The following MROH9 variants were observed in gnomAD, a reference collection of about 807,000 sequenced individuals.
MROH9 encodes maestro heat-like repeat-containing protein family member 9.
MROH9 carries 92 observed loss-of-function variants against 98.2 expected under a neutral mutation model. That is an observed-to-expected ratio of 0.94 (90% CI 0.79 to 1.11). The LOEUF (loss-of-function observed/expected upper bound fraction) is 1.11. Ranked by LOEUF, MROH9 falls within the 50% of genes most tolerant of loss-of-function variation. The pLI, the probability that MROH9 is intolerant of heterozygous loss-of-function variation, is 0.00. For missense variants in MROH9, 1,057 were observed against 1,014.8 expected (o/e 1.04, Z -0.57); for synonymous variants, 397 against 368.9 (o/e 1.08, Z -0.87).
chr1:171,064,046 C>T, intron 21 of MROH9, 53 bp from the exon 22 acceptor site: 1 of 1,491,274 alleles, frequency 6.7e-7, no homozygotes, highest in Non-Finnish European at 8.9e-7. Flanking sequence ...ATTAAAGCTT[C>T]ATGGCCTCTA....
At chr1:170,986,828 C>A in intron 10 of MROH9, 118 bp downstream of exon 10, 4 of 1,141,020 alleles carry the variant, frequency 3.5e-6, no homozygotes, top group African/African-American at 1.6e-5. Flanking sequence ...CATTATATGA[C>A]TTCAATATAA....
intron 20 of MROH9, among the ~76,000 whole-genome samples, chr1:171,026,279 C>CT (rs113090622): frequency 0.14 from 20,379 of 143,564 alleles, 1,520 homozygotes; most frequent in African/African-American, 0.21. Context: ...ATTTTCTTTT[C>CT]TTTTTTTTTT....
intron 20 of MROH9, among the ~76,000 whole-genome samples, chr1:171,059,031 C>T (rs2101875908): frequency 6.6e-6 from 1 of 152,316 alleles, no homozygotes; most frequent in African/African-American, 2.4e-5. Flanking sequence ...GCAAAAGAAA[C>T]TATCATTAGG....
rs895918656 is a variant in MROH9, at chr1:171,014,235, T to A, written c.1715T>A (p.Met572Lys). The change falls in exon 16 of 22, where the codon ATG becomes AAG. Residue 572 changes from methionine (M) to lysine (K), a missense_variant. By Grantham distance (95) the Met-to-Lys change is moderately conservative (BLOSUM62 -1). Transcript: ENST00000367759. ...SRLILHRIVHMSPIINKTENV... is the reference protein window; with the variant it reads ...SRLILHRIVHKSPIINKTENV... ...CTGATCCTTCATAGAATTGTCCACA[T>A]GTCACCAATTATCAATAAGGTATGT... The A allele has an allele frequency of 3.4e-5, 52 of 1,550,952 alleles. No individual in the cohort carries two copies. Among genetic ancestry groups the A allele is most frequent in the Non-Finnish European group, 4.4e-5 (50 of 1,146,706 alleles).
At chr1:170,977,844 G>A (rs1244189049) in intron 8 of MROH9, among the ~76,000 whole-genome samples, 1 of 152,178 alleles carries the variant, frequency 6.6e-6, no homozygotes, top group African/African-American at 2.4e-5. Context: ...ATGCAGGTCA[G>A]CAATTGCTCA....
intron 1 of MROH9, 26 bp from the exon 2 acceptor site, chr1:170,945,494 G>A: frequency 6.4e-7 from 1 of 1,553,892 alleles, no homozygotes; most frequent in Non-Finnish European, 8.9e-7. Context: ...TCTGGTTTAT[G>A]TACTAATACG....
chr1:171,015,272 T>C (rs16863938), intron 16 of MROH9: 8,632 of 305,660 alleles, frequency 0.028, 563 homozygotes, highest in African/African-American at 0.15. Context: ...GTGTACATTA[T>C]CTTAGTAAGC....
intron 1 of MROH9, among the ~76,000 whole-genome samples, chr1:170,939,835 GACTA>G (rs1178330976): frequency 1.3e-5 from 2 of 152,158 alleles, no homozygotes; most frequent in Admixed American, 1.3e-4. Context: ...CTCAAAAGAA[GACTA>G]ACTATCTGCA....
chr1:170,968,147 G>T (rs9427206), intron 7 of MROH9, among the ~76,000 whole-genome samples: 48,327 of 151,898 alleles, frequency 0.32, 7,993 homozygotes, highest in African/African-American at 0.41. Context: ...GAAAAGTAGT[G>T]TGCCCTGTAG....
At chr1:171,018,567 A>G (rs1418074480) in intron 17 of MROH9, among the ~76,000 whole-genome samples, 3 of 152,190 alleles carry the variant, frequency 2.0e-5, no homozygotes, top group Admixed American at 2.0e-4. Flanking sequence ...GGACGAATTG[A>G]CAGAAGTAGG....
intron 1 of MROH9, among the ~76,000 whole-genome samples, chr1:170,938,204 T>C (rs1237516920): frequency 6.6e-6 from 1 of 152,096 alleles, no homozygotes; most frequent in Admixed American, 6.6e-5. Flanking sequence ...AACTTCCAGT[T>C]CAGTGGAATT....
chr1:170,995,823 AAAG>A (rs1187658967), intron 13 of MROH9, among the ~76,000 whole-genome samples: 1 of 152,174 alleles, frequency 6.6e-6, no homozygotes, highest in African/African-American at 2.4e-5. Flanking sequence ...CTACCACAGA[AAAG>A]AGAGCAGAGC....
chr1:171,031,779 A>G (rs1254113643), intron 20 of MROH9, among the ~76,000 whole-genome samples: 3 of 152,072 alleles, frequency 2.0e-5, no homozygotes, highest in African/African-American at 7.2e-5. Flanking sequence ...CTCATGGAGT[A>G]TCTTAGTGGT....
Position 171,064,422 on chromosome 1 carries a change from A to T in MROH9, c.*82A>T. ...TGGAGCTGACCTTAGAAGAAGAATG[A>T]TTTTTCTTTCCCTCCTGACAACTTG... On this transcript the variant is annotated 3_prime_UTR_variant, in exon 22 of 22. Transcript: ENST00000367759. 1 of 1,369,350 alleles carries T rather than the reference A, an allele frequency of 7.3e-7. No individual in the cohort carries two copies. Among genetic ancestry groups the T allele is most frequent in the Non-Finnish European group, 9.6e-7 (1 of 1,041,388 alleles). 84.8% of individuals were successfully genotyped at this position (1,369,350 alleles called of 1,614,324 possible). A position where few individuals can be genotyped will look rare whatever the true frequency, so the allele number is the denominator to read the frequency against.
chr1:171,046,850 CTGGTA>C (rs1653486813), intron 20 of MROH9, among the ~76,000 whole-genome samples: 1 of 152,124 alleles, frequency 6.6e-6, no homozygotes, highest in Non-Finnish European at 1.5e-5. Context: ...TAAGACAGGT[CTGGTA>C]TTGATGAAAT....
intron 9 of MROH9, among the ~76,000 whole-genome samples, chr1:170,984,728 G>A (rs951727551): frequency 6.6e-6 from 1 of 152,148 alleles, no homozygotes; most frequent in African/African-American, 2.4e-5. Flanking sequence ...TTGGGCTTGC[G>A]GGAGGTACCC....
intron 7 of MROH9, among the ~76,000 whole-genome samples, chr1:170,971,378 C>T (rs893905405): frequency 4.6e-5 from 7 of 152,164 alleles, no homozygotes; most frequent in Non-Finnish European, 1.0e-4. Context: ...TTTGGAAATA[C>T]ACAGCCCACC....
chr1:171,012,417 C>T (rs1400241367), intron 15 of MROH9, among the ~76,000 whole-genome samples: 5 of 151,790 alleles, frequency 3.3e-5, no homozygotes, highest in Non-Finnish European at 7.4e-5. Flanking sequence ...CTCTCTTGCT[C>T]TGTCACTCCC....
At chr1:171,022,084 A>C (rs1346302068) in intron 17 of MROH9, among the ~76,000 whole-genome samples, 1 of 152,188 alleles carries the variant, frequency 6.6e-6, no homozygotes, top group Non-Finnish European at 1.5e-5. Flanking sequence ...GATTATTAAA[A>C]AGTCAAAAAA....
Sources: allele counts gnomAD v4.1 joint callset (sites outside exome capture counted in the v4.1 genomes callset), GRCh38; gene constraint gnomAD v4.1.1; transcripts MANE v1.5; gene names NCBI Gene and HGNC (gene_info 2026-07-23, HGNC 2026-07-21).